The following AGBL3 variants were observed in gnomAD, a reference collection of about 807,000 sequenced individuals.
The protein encoded by AGBL3 is cytosolic carboxypeptidase 3.
Under a neutral mutation model 94.5 loss-of-function variants are expected in AGBL3, and 68 were observed. The observed-to-expected ratio is 0.72, with a 90% CI of 0.59 to 0.88. The LOEUF is 0.88. AGBL3 is among the 40% of genes least tolerant of loss of function. The pLI, the probability that AGBL3 is intolerant of heterozygous loss-of-function variation, is 0.00. For missense variants in AGBL3, 934 were observed against 1,103.8 expected, an observed-to-expected ratio of 0.85 and a Z score of 2.18; for synonymous variants, 354 against 370.7, an observed-to-expected ratio of 0.95 and a Z score of 0.52.
intron 5 of AGBL3, among the ~76,000 whole-genome samples, chr7:135,018,154 A>C (rs1814019707): frequency 6.6e-6 from 1 of 152,232 alleles, no homozygotes; most frequent in East Asian, 1.9e-4. Context: ...CTATCAACAG[A>C]GGAGAACCAT....
chr7:135,062,932 T>C (rs1818968510), intron 12 of AGBL3, among the ~76,000 whole-genome samples: 1 of 152,090 alleles, frequency 6.6e-6, no homozygotes, highest in Admixed American at 6.5e-5. Flanking sequence ...TTAAGAAGGA[T>C]TCATATTAGT....
intron 16 of AGBL3, among the ~76,000 whole-genome samples, chr7:135,121,913 A>T (rs1325027302): frequency 6.6e-6 from 1 of 152,232 alleles, no homozygotes; most frequent in African/African-American, 2.4e-5. Flanking sequence ...ATAGATTGGA[A>T]GATCCCACTC....
At chr7:135,013,205 G>C (rs1239178974) in intron 4 of AGBL3, among the ~76,000 whole-genome samples, 1 of 152,108 alleles carries the variant, frequency 6.6e-6, no homozygotes, top group Non-Finnish European at 1.5e-5. Context: ...GAACCACAAT[G>C]AGATACCACT....
intron 5 of AGBL3, among the ~76,000 whole-genome samples, chr7:135,024,641 C>T (rs1250785387): frequency 6.6e-6 from 1 of 152,110 alleles, no homozygotes; most frequent in East Asian, 1.9e-4. Flanking sequence ...TGGTTCTTAA[C>T]CAGATTGAAA....
chr7:135,040,358 T>C (rs78862893), intron 8 of AGBL3, among the ~76,000 whole-genome samples: 36,199 of 152,050 alleles, frequency 0.24, 5,353 homozygotes, highest in South Asian at 0.42. Flanking sequence ...TGGACATAGA[T>C]GCAAAAATTC....
chr7:135,052,317 G>T (rs915489768), intron 11 of AGBL3, among the ~76,000 whole-genome samples: 1 of 152,072 alleles, frequency 6.6e-6, no homozygotes, highest in Non-Finnish European at 1.5e-5. Flanking sequence ...GTACATAGGG[G>T]TTTTCCTTAT....
intron 9 of AGBL3, among the ~76,000 whole-genome samples, chr7:135,045,261 T>C (rs1427775276): frequency 6.6e-6 from 1 of 152,078 alleles, no homozygotes; most frequent in Non-Finnish European, 1.5e-5. Context: ...CTTTAAAACA[T>C]GTACTAATGT....
chr7:135,007,694 G>A (rs1285091331), intron 4 of AGBL3, among the ~76,000 whole-genome samples: 1 of 151,852 alleles, frequency 6.6e-6, no homozygotes, highest in Non-Finnish European at 1.5e-5. Context: ...AGTTTAAAAA[G>A]TCCAGATTGG....
In AGBL3 at chr7:135,045,851, A is replaced by C; in HGVS notation, c.1781A>C (p.Glu594Ala). 6.4e-7 allele frequency: 1 copy of C among 1,550,810 alleles called. No homozygotes were observed. Among genetic ancestry groups the C allele is most frequent in the Non-Finnish European group, 8.7e-7 (1 of 1,146,352 alleles). ...GAAATGGAAAGACATATAACCCTGG[A>C]AAAAGTCTTTGAGGATTCAGACACA... ...LEEMERHITL[E>A]KVFEDSDTPV... Residue 594 changes from glutamate to alanine, a missense_variant, in exon 11 of 17, where the codon GAA becomes GCA. By Grantham distance (107) the Glu-to-Ala change is moderately radical. Transcript: ENST00000436302.
intron 12 of AGBL3, among the ~76,000 whole-genome samples, chr7:135,062,966 T>C (rs1479573897): frequency 6.6e-6 from 1 of 152,180 alleles, no homozygotes; most frequent in Non-Finnish European, 1.5e-5. Flanking sequence ...TTTAGTAGAA[T>C]TCAGCAGTCA....
intron 12 of AGBL3, among the ~76,000 whole-genome samples, chr7:135,073,723 C>G (rs1585011115): frequency 1.3e-5 from 2 of 151,892 alleles, no homozygotes; most frequent in South Asian, 2.1e-4. Context: ...ATTGAGCAAG[C>G]AGGGGGTACG....
chr7:135,130,328 T>C (rs1180662995), intron 16 of AGBL3, among the ~76,000 whole-genome samples: 1 of 152,216 alleles, frequency 6.6e-6, no homozygotes, highest in Non-Finnish European at 1.5e-5. Flanking sequence ...ACAAACGCTA[T>C]GGGGCACTTG....
At chr7:135,075,999 A>C (rs1017470500) in intron 12 of AGBL3, among the ~76,000 whole-genome samples, 1 of 152,204 alleles carries the variant, frequency 6.6e-6, no homozygotes, top group Non-Finnish European at 1.5e-5. Context: ...ACAGTTAACT[A>C]TCTAAAAGGT....
intron 11 of AGBL3, among the ~76,000 whole-genome samples, chr7:135,050,572 A>T (rs10282179): frequency 6.6e-6 from 1 of 151,632 alleles, no homozygotes; most frequent in Non-Finnish European, 1.5e-5. Flanking sequence ...TTGGCTGCAT[A>T]TATATTTGTG....
intron 5 of AGBL3, among the ~76,000 whole-genome samples, chr7:135,024,039 G>A (rs1814812662): frequency 6.6e-6 from 1 of 152,174 alleles, no homozygotes; most frequent in Non-Finnish European, 1.5e-5. Context: ...CCCCCATTCT[G>A]AGAACATTGA....
chr7:135,096,588 G>GATAGATAGATAGATAC (rs1563260175), intron 15 of AGBL3, among the ~76,000 whole-genome samples: 16 of 120,306 alleles, frequency 1.3e-4, no homozygotes, highest in East Asian at 4.1e-4. Context: ...TAGATACATA[G>GATAGATAGATAGATAC]ATAGATAGAT....
chr7:134,997,535 C>T (rs1404901530), intron 4 of AGBL3, among the ~76,000 whole-genome samples: 3 of 152,200 alleles, frequency 2.0e-5, no homozygotes, highest in African/African-American at 7.2e-5. Context: ...GTTATATTTA[C>T]ATTCAGTGCC....
intron 11 of AGBL3, among the ~76,000 whole-genome samples, chr7:135,051,997 A>G (rs1173006504): frequency 0.033 from 15 of 460 alleles, no homozygotes; most frequent in Admixed American, 0.24. Context: ...AATAACTTCC[A>G]TTAATTTTTT....
chr7:135,044,870 C>T (rs376439683), intron 9 of AGBL3, among the ~76,000 whole-genome samples: 1 of 43,860 alleles, frequency 2.3e-5, no homozygotes, highest in Non-Finnish European at 5.0e-5. Flanking sequence ...CCCCTCCCCC[C>T]ACCCCACAAC....
Sources: gnomAD v4.1 joint callset for allele counts (sites outside exome capture counted in the v4.1 genomes callset) on GRCh38, gnomAD v4.1.1 for gene constraint, MANE v1.5 for transcripts, NCBI Gene and HGNC (gene_info 2026-07-23, HGNC 2026-07-21) for gene names.